The following TENM2 variants were observed in gnomAD, a reference collection of about 807,000 sequenced individuals.
The protein encoded by TENM2 is teneurin-2.
Under a neutral mutation model 245.2 loss-of-function variants are expected in TENM2, and 52 were observed. The ratio of observed to expected loss-of-function variants is 0.21; its 90% CI spans 0.17 to 0.27. The LOEUF (loss-of-function observed/expected upper bound fraction) is 0.27, where lower values mean the gene tolerates loss of function less well. TENM2 is among the 10% of genes least tolerant of loss of function. The probability of loss-of-function intolerance (pLI) is 1.00; values close to 1 mark genes in which losing one functional copy is unlikely to be tolerated. For synonymous variants in TENM2, 1,363 were observed against 1,438.9 expected (o/e 0.95, Z 1.19); for missense variants, 3,046 against 3,666.8 (o/e 0.83, Z 4.37).
chr5:167,616,059 G>T (rs1285185682), intron 2 of TENM2, among the ~76,000 whole-genome samples: 2 of 152,086 alleles, frequency 1.3e-5, no homozygotes, highest in Non-Finnish European at 2.9e-5. Flanking sequence ...GTGCCCATTT[G>T]GGTATTAATA....
At chr5:168,012,383 T>G (rs930289245) in intron 5 of TENM2, among the ~76,000 whole-genome samples, 5 of 152,106 alleles carry the variant, frequency 3.3e-5, no homozygotes, top group African/African-American at 1.2e-4. Flanking sequence ...AGGCTCACAC[T>G]TGTAATCGCT....
chr5:167,290,929 C>G (rs2127719243), intron 1 of TENM2, among the ~76,000 whole-genome samples: 1 of 152,138 alleles, frequency 6.6e-6, no homozygotes, highest in Non-Finnish European at 1.5e-5. Flanking sequence ...TAAAATTAAT[C>G]CATTTTCGTC....
At chr5:167,698,022 T>C (rs1757882499) in intron 2 of TENM2, among the ~76,000 whole-genome samples, 1 of 148,516 alleles carries the variant, frequency 6.7e-6, no homozygotes, top group Non-Finnish European at 1.5e-5. Context: ...AAGTGCTCGG[T>C]ATTTGCCTTT....
At chr5:167,064,821 G>A in the TENM2 span, among the ~76,000 whole-genome samples, 28 of 152,294 alleles carry the variant, frequency 1.8e-4, no homozygotes, top group Admixed American at 2.6e-4. Flanking sequence ...AAATTATCAT[G>A]ACATACGGGA....
chr5:168,135,558 C>A (rs954718222), intron 12 of TENM2, among the ~76,000 whole-genome samples: 1 of 152,136 alleles, frequency 6.6e-6, no homozygotes, highest in Non-Finnish European at 1.5e-5. Flanking sequence ...GTAACCACAT[C>A]GTTGGCTATT....
intron 5 of TENM2, among the ~76,000 whole-genome samples, chr5:168,006,539 C>G (rs568975767): frequency 1.6e-3 from 245 of 152,240 alleles, no homozygotes; most frequent in African/African-American, 5.6e-3. Context: ...AAATATAATT[C>G]CAAATACTAA....
intron 2 of TENM2, among the ~76,000 whole-genome samples, chr5:167,713,128 A>G (rs1047234440): frequency 6.6e-6 from 1 of 152,116 alleles, no homozygotes; most frequent in African/African-American, 2.4e-5. Flanking sequence ...AAAGGATACA[A>G]TAGTGTTTGT....
intron 2 of TENM2, among the ~76,000 whole-genome samples, chr5:167,450,922 A>T (rs1355265931): frequency 2.0e-5 from 3 of 152,082 alleles, no homozygotes; most frequent in African/African-American, 7.2e-5. Flanking sequence ...TGACTCTTTA[A>T]TGTGTTGATA....
chr5:167,140,942 G>A, the TENM2 span, among the ~76,000 whole-genome samples: 1,536 of 152,250 alleles, frequency 0.01, 22 homozygotes, highest in African/African-American at 0.035. Flanking sequence ...GGGTCCTGAG[G>A]CAGTGCTGGG....
intron 17 of TENM2, among the ~76,000 whole-genome samples, chr5:168,201,180 C>T (rs1447266311): frequency 1.3e-5 from 2 of 152,036 alleles, no homozygotes; most frequent in African/African-American, 4.8e-5. Context: ...GGGTCTGCTC[C>T]ATCAGTGAGT....
chr5:166,998,527 A>G, the TENM2 span, among the ~76,000 whole-genome samples: 1 of 152,154 alleles, frequency 6.6e-6, no homozygotes, highest in African/African-American at 2.4e-5. Flanking sequence ...CTATGTTTAA[A>G]GGACACTATA....
chr5:167,718,565 G>A (rs1200682736), intron 2 of TENM2, among the ~76,000 whole-genome samples: 1 of 152,204 alleles, frequency 6.6e-6, no homozygotes, highest in African/African-American at 2.4e-5. Context: ...TGGGACTAAA[G>A]GGGGCCAAAG....
chr5:168,232,688 G>A (rs973861966), intron 25 of TENM2, among the ~76,000 whole-genome samples: 2 of 152,190 alleles, frequency 1.3e-5, no homozygotes, highest in Non-Finnish European at 2.9e-5. Flanking sequence ...TCTCAGTGAA[G>A]CCATCACAAT....
intron 2 of TENM2, among the ~76,000 whole-genome samples, chr5:167,750,818 G>A (rs1761910326): frequency 6.6e-6 from 1 of 152,044 alleles, no homozygotes; most frequent in South Asian, 2.1e-4. Context: ...AGCATAACAT[G>A]GCTGTTTAGA....
chr5:167,995,815 C>T (rs1784011686), intron 5 of TENM2, among the ~76,000 whole-genome samples: 1 of 152,198 alleles, frequency 6.6e-6, no homozygotes, highest in East Asian at 1.9e-4. Context: ...ATAAACAGTG[C>T]ATTGCAAACA....
the TENM2 span, among the ~76,000 whole-genome samples, chr5:167,080,765 A>G: frequency 6.6e-6 from 1 of 152,176 alleles, no homozygotes; most frequent in African/African-American, 2.4e-5. Flanking sequence ...GAAAAAATGT[A>G]TCTTCTCAAA....
chr5:167,088,184 T>G, the TENM2 span, among the ~76,000 whole-genome samples: 1 of 152,178 alleles, frequency 6.6e-6, no homozygotes, highest in Non-Finnish European at 1.5e-5. Flanking sequence ...TTATTAAAAT[T>G]AATTCAATCT....
At chr5:167,973,653 G>A (rs916849600) in intron 4 of TENM2, among the ~76,000 whole-genome samples, 1 of 152,134 alleles carries the variant, frequency 6.6e-6, no homozygotes, top group African/African-American at 2.4e-5. Context: ...GTTCCATCTG[G>A]GTGGAACAGT....
the TENM2 span, among the ~76,000 whole-genome samples, chr5:167,203,187 C>T: frequency 1.3e-5 from 2 of 152,144 alleles, no homozygotes; most frequent in African/African-American, 4.8e-5. Context: ...TTCAGGGGCT[C>T]TCTGTTCCCT....
Sources: allele counts gnomAD v4.1 joint callset (sites outside exome capture counted in the v4.1 genomes callset), GRCh38; gene constraint gnomAD v4.1.1; transcripts MANE v1.5; gene names NCBI Gene and HGNC (gene_info 2026-07-23, HGNC 2026-07-21).